The following VTI1A variants were observed in gnomAD, a reference collection of about 807,000 sequenced individuals.
VTI1A encodes the protein vesicle transport through interaction with t-SNAREs homolog 1A.
In VTI1A, 22 loss-of-function variants were observed where a neutral mutation model predicts 34.9. That is an observed-to-expected ratio of 0.63 (90% CI 0.45 to 0.90). The LOEUF (loss-of-function observed/expected upper bound fraction) is 0.90. VTI1A is among the 40% of genes least tolerant of loss of function. VTI1A has a pLI of 0.00. For synonymous variants in VTI1A, 87 were observed against 97.3 expected (o/e 0.89, Z 0.62); for missense variants, 268 against 275.6 (o/e 0.97, Z 0.20).
chr10:112,549,036 A>G (rs1323714110), intron 5 of VTI1A, among the ~76,000 whole-genome samples: 4 of 152,096 alleles, frequency 2.6e-5, no homozygotes, highest in African/African-American at 9.7e-5. Flanking sequence ...TGTGCCAGGT[A>G]CAATGTAACA....
chr10:112,548,718 C>A, intron 5 of VTI1A: 1 of 1,346,430 alleles, frequency 7.4e-7, no homozygotes, highest in Non-Finnish European at 1.0e-6. Flanking sequence ...CCCACAGCAA[C>A]TGTCTATCTC....
intron 7 of VTI1A, among the ~76,000 whole-genome samples, chr10:112,749,968 A>G (rs1487164329): frequency 6.6e-6 from 1 of 152,250 alleles, no homozygotes; most frequent in Non-Finnish European, 1.5e-5. Context: ...ATAATTTTCA[A>G]ATATGCTATA....
intron 5 of VTI1A, among the ~76,000 whole-genome samples, chr10:112,597,972 C>T (rs1370295711): frequency 6.6e-6 from 1 of 152,076 alleles, no homozygotes; most frequent in African/African-American, 2.4e-5. Flanking sequence ...GCTGGGATTA[C>T]AGGCATGAGC....
chr10:112,611,806 A>G (rs961264533), intron 5 of VTI1A, among the ~76,000 whole-genome samples: 1 of 133,514 alleles, frequency 7.5e-6, no homozygotes, highest in African/African-American at 3.0e-5. Context: ...CAGTAGCGCT[A>G]TCTCAGCTCA....
At chr10:112,728,816 T>C (rs1850140636) in intron 7 of VTI1A, among the ~76,000 whole-genome samples, 1 of 152,218 alleles carries the variant, frequency 6.6e-6, no homozygotes, top group African/African-American at 2.4e-5. Flanking sequence ...TGGTAACCAT[T>C]GTATGTACCA....
intron 5 of VTI1A, among the ~76,000 whole-genome samples, chr10:112,621,358 C>T (rs146340290): frequency 2.6e-5 from 4 of 152,294 alleles, no homozygotes; most frequent in East Asian, 1.9e-4. Context: ...TGTATTTGGT[C>T]ACAGACCCTG....
chr10:112,642,723 A>G (rs924335200), intron 5 of VTI1A, among the ~76,000 whole-genome samples: 1 of 152,200 alleles, frequency 6.6e-6, no homozygotes, highest in African/African-American at 2.4e-5. Context: ...TTACAGTCTA[A>G]TGGGGAGACA....
chr10:112,776,587 C>T (rs1352712684), intron 7 of VTI1A, among the ~76,000 whole-genome samples: 1 of 152,138 alleles, frequency 6.6e-6, no homozygotes, highest in East Asian at 1.9e-4. Context: ...CTCCTCATCC[C>T]CCAGGATGCA....
the VTI1A span, among the ~76,000 whole-genome samples, chr10:112,853,653 A>T: frequency 2.6e-5 from 4 of 152,340 alleles, no homozygotes; most frequent in Admixed American, 1.3e-4. Context: ...CTTTTCAAGC[A>T]TTTCCTTGAG....
rs11333912 is a variant in VTI1A, at chr10:112,610,175, CTTT to C, written c.428-58032_428-58030del. 1.6e-3 allele frequency among the ~76,000 whole-genome samples: 230 copies of C among 146,074 alleles called. 1 individual carries two copies. Among genetic ancestry groups the C allele is most frequent in the African/African-American group, 5.6e-3 (222 of 39,814 alleles). ...CATAAAAATTATATACTTTTCCAGT[CTTT>C]TTTTTTTTTTCCTCAAGTTTTTTCA... On this transcript the variant is annotated intron_variant, in intron 5 of 7. Coordinates refer to ENST00000393077, the MANE Select transcript of VTI1A (RefSeq NM_145206.4).
At chr10:112,609,289 T>A (rs912081893) in intron 5 of VTI1A, among the ~76,000 whole-genome samples, 1 of 152,188 alleles carries the variant, frequency 6.6e-6, no homozygotes, top group African/African-American at 2.4e-5. Context: ...CAAGTAATAT[T>A]GAACAAACAT....
chr10:112,545,622 C>G (rs1399549543), intron 5 of VTI1A, among the ~76,000 whole-genome samples: 2 of 152,184 alleles, frequency 1.3e-5, no homozygotes, highest in Non-Finnish European at 2.9e-5. Context: ...GAACCAGCAA[C>G]GTTGACATCC....
At chr10:112,698,026 T>C (rs1381306857) in intron 7 of VTI1A, among the ~76,000 whole-genome samples, 1 of 152,144 alleles carries the variant, frequency 6.6e-6, no homozygotes, top group Non-Finnish European at 1.5e-5. Flanking sequence ...AGCAAATCTA[T>C]TTGCTTTGGA....
intron 5 of VTI1A, among the ~76,000 whole-genome samples, chr10:112,597,281 G>C (rs947717685): frequency 6.6e-6 from 1 of 152,046 alleles, no homozygotes; most frequent in South Asian, 2.1e-4. Context: ...GCAATGATGC[G>C]GTCTCGGCTC....
chr10:112,819,530 G>T (rs1043690944), downstream of VTI1A, among the ~76,000 whole-genome samples: 1 of 152,202 alleles, frequency 6.6e-6, no homozygotes, highest in Non-Finnish European at 1.5e-5. Context: ...CTGGTTTGGG[G>T]AGGGTCTGAT....
chr10:112,812,550 T>G (rs1853355715), intron 7 of VTI1A, among the ~76,000 whole-genome samples: 1 of 152,216 alleles, frequency 6.6e-6, no homozygotes, highest in Admixed American at 6.5e-5. Flanking sequence ...CCTTCCAAAC[T>G]GGCTCAGTCC....
rs1228383119 is a variant in VTI1A, at chr10:112,634,482, G to A, written c.428-33736G>A. ...AATATCATACCATTGCCTCTCGGTGGTTATACACACACACACAGACACACA... is the reference window on the plus strand; with the variant it reads ...AATATCATACCATTGCCTCTCGGTGATTATACACACACACACAGACACACA... On this transcript the variant is annotated intron_variant, in intron 5 of 7. Transcript: ENST00000393077. 2.1e-5 allele frequency among the ~76,000 whole-genome samples: 3 copies of A among 142,546 alleles called. No individual in the cohort carries two copies. In the South Asian group the frequency reaches 6.9e-4, roughly 33 times the overall value. The allele number at this position is 142,546 out of a possible 152,430, so 93.5% of individuals were successfully genotyped here.
chr10:112,564,675 C>A (rs1851848160), intron 5 of VTI1A, among the ~76,000 whole-genome samples: 1 of 152,002 alleles, frequency 6.6e-6, no homozygotes, highest in South Asian at 2.1e-4. Flanking sequence ...GAATTAGCAG[C>A]CAACTCTGCA....
At chr10:112,846,916 G>A in the VTI1A span, among the ~76,000 whole-genome samples, 3 of 152,150 alleles carry the variant, frequency 2.0e-5, no homozygotes, top group Admixed American at 6.5e-5. Context: ...GATATACTTT[G>A]GTTCAGGAAG....
Sources: allele counts gnomAD v4.1 joint callset (sites outside exome capture counted in the v4.1 genomes callset), GRCh38; gene constraint gnomAD v4.1.1; transcripts MANE v1.5; gene names NCBI Gene and HGNC (gene_info 2026-07-23, HGNC 2026-07-21).